TIGD7: variants seen among roughly 807,000 people sequenced by gnomAD.
The protein encoded by TIGD7 is tigger transposable element derived 7, also known as tigger transposable element-derived protein 7.
A neutral mutation model predicts 24.8 loss-of-function variants in TIGD7; 26 were observed. The observed-to-expected ratio is 1.05, with a 90% CI of 0.77 to 1.45. TIGD7 has a LOEUF of 1.45. Among genes scored for constraint, TIGD7 ranks in the 40% most tolerant of loss-of-function variants. The probability of loss-of-function intolerance (pLI) is 0.00; values close to 1 mark genes in which losing one functional copy is unlikely to be tolerated. For synonymous variants in TIGD7, 221 were observed against 224.1 expected (o/e 0.99, Z 0.12); for missense variants, 679 against 641.6 (o/e 1.06, Z -0.63).
rs1211522068 is a variant in TIGD7 at position 3,299,319 on chromosome 16, A to C, written c.1296T>G (p.Thr432=). ...EILEKCGELE[T]KLDDDRVWLN... is the part of the protein sequence containing the mutation. Reference sequence around the variant, plus strand: ...ACCACACCCTATCATCATCCAACTTAGTTTCCAACTCCCCACATTTTTCAA... The same window carrying C: ...ACCACACCCTATCATCATCCAACTTCGTTTCCAACTCCCCACATTTTTCAA... The change falls in exon 2 of 2, where the codon ACT becomes ACG. Residue 432 remains threonine, a synonymous_variant. Transcript: ENST00000396862. The C allele has an allele frequency of 6.2e-7, 1 of 1,601,202 alleles. No individual in the cohort carries two copies. The highest frequency in any genetic ancestry group is 1.7e-5 in the Admixed American group (1 of 57,544).
rs751117546 is a variant in TIGD7, at chr16:3,299,990, T to A, written c.625A>T (p.Arg209Trp). ...TTTGCACATAAAAAGGCAGACAACCTTTCTTTGTTTATTTTCTTCCCTGGT... is the reference window on the plus strand; with the variant it reads ...TTTGCACATAAAAAGGCAGACAACCATTCTTTGTTTATTTTCTTCCCTGGT... ...CLPGKKINKE[R>W]LSAFLCANAD... The change falls in exon 2 of 2, where the codon AGG becomes TGG. Residue 209 changes from arginine (R) to tryptophan (W), a missense_variant. Arg to Trp is a moderately radical substitution (Grantham distance 101). Transcript: ENST00000396862. 18 of 1,613,974 alleles carry A rather than the reference T, an allele frequency of 1.1e-5. No homozygotes were observed. In the Admixed American group the frequency reaches 2.7e-4, roughly 24 times the overall value.
Position 3,299,338 on chromosome 16 carries a change from T to G in TIGD7, c.1277A>C (p.Lys426Thr). Residue 426 changes from lysine to threonine, a missense_variant, in exon 2 of 2, where the codon AAA becomes ACA. Transcript: ENST00000396862. ...CAACTTAGTTTCCAACTCCCCACAT[T>G]TTTCAAGAATTTCTCTATAATCCCC... ...EHGDYREILE[K>T]CGELETKLDD... is the part of the protein sequence containing the mutation. The G allele has an allele frequency of 6.3e-7, 1 of 1,592,158 alleles. No homozygotes were observed. Among genetic ancestry groups the G allele is most frequent in the South Asian group, 1.2e-5 (1 of 86,410 alleles).
intron 1 of TIGD7, among the ~76,000 whole-genome samples, chr16:3,304,055 C>A (rs1349876882): frequency 6.6e-6 from 1 of 152,136 alleles, no homozygotes; most frequent in Non-Finnish European, 1.5e-5. Flanking sequence ...CCAGGATGGT[C>A]TCGATCTCCT....
chr16:3,298,959 C>G lies in TIGD7; in HGVS notation c.*6G>C. 1 of 1,201,990 alleles carries G rather than the reference C, an allele frequency of 8.3e-7. No individual in the cohort carries two copies. The highest frequency in any genetic ancestry group is 1.1e-6 in the Non-Finnish European group (1 of 918,688). 74.5% of individuals were successfully genotyped at this position (1,201,990 alleles called of 1,614,324 possible). On this transcript the variant is annotated 3_prime_UTR_variant, in exon 2 of 2. Transcript: ENST00000396862. Reference sequence around the variant, plus strand: ...ATATAATGGCAGAAATCTTTAAACACAAAATCTAATGATTAGAACCAGAAG... The same window carrying G: ...ATATAATGGCAGAAATCTTTAAACAGAAAATCTAATGATTAGAACCAGAAG...
rs1959945951 is a variant in TIGD7, at chr16:3,301,812, TG to T, written c.-1199del. ...TTCTCTGCTGCTGTTTCTGATCAAT[TG>T]TTTCTCATAAATCCTACTGGCAAAC... is the stretch of plus-strand genomic sequence containing the variant. On this transcript the variant is annotated 5_prime_UTR_variant, in exon 2 of 2. It removes the in-frame stop codon of an upstream open reading frame in the 5' UTR. Coordinates refer to ENST00000396862, the MANE Select transcript of TIGD7 (RefSeq NM_033208.4). 6.0e-6 allele frequency: 1 copy of T among 167,100 alleles called. No homozygotes were observed. The highest frequency in any genetic ancestry group is 2.4e-5 in the African/African-American group (1 of 41,462). 10.4% of individuals were successfully genotyped at this position (167,100 alleles called of 1,614,324 possible).
chr16:3,300,795 G>T lies in TIGD7; in HGVS notation c.-181C>A. ...CCATGACTGAAGAGCTAGTCTAGAG[G>T]TGGAGGTCTTATGCACTCAGAAAGC... On this transcript the variant is annotated 5_prime_UTR_variant, in exon 2 of 2. Transcript: ENST00000396862. 9.0e-7 allele frequency: 1 copy of T among 1,105,502 alleles called. No individual in the cohort carries two copies. The highest frequency in any genetic ancestry group is 1.2e-6 in the Non-Finnish European group (1 of 810,754). The allele number at this position is 1,105,502 out of a possible 1,614,324, so 68.5% of individuals were successfully genotyped here.
Position 3,300,553 on chromosome 16 carries a change from C to T in TIGD7, c.62G>A (p.Arg21Lys), listed in dbSNP as rs1299850161. ...NLEEKMKVLS[R>K]IEAGRSLKSV... ...TTTAAGTGATCGTCCAGCTTCAATT[C>T]TACTTAGAACCTTCATTTTCTCCTC... The change falls in exon 2 of 2, where the codon AGA becomes AAA. Residue 21 changes from arginine (R) to lysine (K), a missense_variant. By Grantham distance (26) the Arg-to-Lys change is conservative (BLOSUM62 2). Transcript: ENST00000396862. 3 of 1,609,454 alleles carry T rather than the reference C, an allele frequency of 1.9e-6. No individual in the cohort carries two copies. Among genetic ancestry groups the T allele is most frequent in the Admixed American group, 1.7e-5 (1 of 58,984 alleles).
At position 3,299,943 on chromosome 16, in the gene TIGD7, TA is replaced by T. The variant is rs1284264833; in HGVS notation, c.671del (p.Leu224Ter). ...TTGATTTTCCAATAATGATTGACTT[TA>T]ATTTATGAGTTCCGTCTGCATTTGC... is the stretch of plus-strand genomic sequence containing the variant. ...LCANADGTHK[L>X]KSIIIGKSKL... On this transcript the variant is annotated frameshift_variant, in exon 2 of 2. Transcript: ENST00000396862. LOFTEE classifies it high-confidence loss of function. 1 of 1,613,134 alleles carries T rather than the reference TA, an allele frequency of 6.2e-7. No individual in the cohort carries two copies. The highest frequency in any genetic ancestry group is 8.5e-7 in the Non-Finnish European group (1 of 1,179,682).
chr16:3,304,394 C>G (rs1211066200), intron 1 of TIGD7, among the ~76,000 whole-genome samples: 1 of 152,150 alleles, frequency 6.6e-6, no homozygotes, highest in African/African-American at 2.4e-5. Flanking sequence ...TCCCCCAACC[C>G]CAAATCAACT....
In TIGD7 at chr16:3,300,060, C is replaced by T. The variant is rs927358916; in HGVS notation, c.555G>A (p.Lys185=). 6.2e-7 allele frequency: 1 copy of T among 1,614,058 alleles called. No individual in the cohort carries two copies. Among genetic ancestry groups the T allele is most frequent in the Non-Finnish European group, 8.5e-7 (1 of 1,180,034 alleles). The change falls in exon 2 of 2, where the codon AAG becomes AAA. Residue 185 remains lysine, a synonymous_variant. Transcript: ENST00000396862. Reference sequence around the variant, plus strand: ...TTGCCTGAGAATTTTCTGGCATTGACTTCCAAAAGAGGTCTGTTTCATCCC... The same window carrying T: ...TTGCCTGAGAATTTTCTGGCATTGATTTCCAAAAGAGGTCTGTTTCATCCC... ...YSGDETDLFW[K]SMPENSQASR...
intron 1 of TIGD7, among the ~76,000 whole-genome samples, chr16:3,303,554 G>A (rs776229879): frequency 8.5e-5 from 13 of 152,344 alleles, no homozygotes; most frequent in Non-Finnish European, 1.5e-4. Flanking sequence ...CAACCTGGCT[G>A]AGATTTTAAG....
At position 3,300,019 on chromosome 16, in the gene TIGD7, C is replaced by G. The variant is rs1383293121; in HGVS notation, c.596G>C (p.Cys199Ser). 1.9e-6 allele frequency: 3 copies of G among 1,614,046 alleles called. No individual in the cohort carries two copies. The highest frequency in any genetic ancestry group is 2.7e-5 in the African/African-American group (2 of 74,920). The change falls in exon 2 of 2, where the codon TGC becomes TCC. Residue 199 changes from cysteine to serine, a missense_variant. Transcript: ENST00000396862. ...ENSQASRKDI[C>S]LPGKKINKER... Reference sequence around the variant, plus strand: ...TTTGTTTATTTTCTTCCCTGGTAGGCAGATATCTTTCCTACTTGCCTGAGA... The same window carrying G: ...TTTGTTTATTTTCTTCCCTGGTAGGGAGATATCTTTCCTACTTGCCTGAGA...
chr16:3,300,106 C>T lies in TIGD7; in HGVS notation c.509G>A (p.Cys170Tyr). 3 of 1,614,182 alleles carry T rather than the reference C, an allele frequency of 1.9e-6. No individual in the cohort carries two copies. Among genetic ancestry groups the T allele is most frequent in the Admixed American group, 1.7e-5 (1 of 60,016 alleles). The change falls in exon 2 of 2, where the codon TGT (cysteine) becomes TAT (tyrosine). Residue 170 changes from cysteine to tyrosine, a missense_variant. Coordinates refer to ENST00000396862, the MANE Select transcript of TIGD7 (RefSeq NM_033208.4). Reference sequence around the variant, plus strand: ...ATCCCCACTGTATAGCTGAGCTAGACACAGTTTCTCCTCTTTGATTATCAT... The same window carrying T: ...ATCCCCACTGTATAGCTGAGCTAGATACAGTTTCTCCTCTTTGATTATCAT... ...LSMIIKEEKL[C>Y]LAQLYSGDET...
At chr16:3,302,424 C>G (rs956263982) in intron 1 of TIGD7, among the ~76,000 whole-genome samples, 6 of 152,162 alleles carry the variant, frequency 3.9e-5, no homozygotes, top group African/African-American at 1.4e-4. Context: ...CCACACCTGG[C>G]CCATAGAATT....
Position 3,299,023 on chromosome 16 carries a change from C to A in TIGD7, c.1592G>T (p.Arg531Met). The change falls in exon 2 of 2, where the codon AGG (arginine) becomes ATG (methionine). Residue 531 changes from arginine to methionine, a missense_variant. Coordinates refer to ENST00000396862, the MANE Select transcript of TIGD7 (RefSeq NM_033208.4). ...HSRIGSFLKP[R>M]PHNIKDSFSG... Reference sequence around the variant, plus strand: ...GAAGGAGTCCTTAATATTATGAGGCCTAGGTTTCAAAAAGCTACCAATTCT... The same window carrying A: ...GAAGGAGTCCTTAATATTATGAGGCATAGGTTTCAAAAAGCTACCAATTCT... 7.3e-7 allele frequency: 1 copy of A among 1,376,980 alleles called. No individual in the cohort carries two copies. The highest frequency in any genetic ancestry group is 9.4e-7 in the Non-Finnish European group (1 of 1,058,726). 85.3% of individuals were successfully genotyped at this position (1,376,980 alleles called of 1,614,324 possible). A position where few individuals can be genotyped will look rare whatever the true frequency, so the allele number is the denominator to read the frequency against.
Position 3,300,610 on chromosome 16 carries a change from T to C in TIGD7, c.5A>G (p.Asn2Ser), listed in dbSNP as rs1191958580. 4 of 1,561,506 alleles carry C rather than the reference T, an allele frequency of 2.6e-6. No homozygotes were observed. The highest frequency in any genetic ancestry group is 2.7e-5 in the African/African-American group (2 of 72,928). ...CAGTGTTGTATATTTCCCTCTCTTATTCATACTGAATTTAACTCTGAACCA... is the reference window on the plus strand; with the variant it reads ...CAGTGTTGTATATTTCCCTCTCTTACTCATACTGAATTTAACTCTGAACCA... M[N>S]KRGKYTTLNL... Residue 2 changes from asparagine (N) to serine (S), a missense_variant, in exon 2 of 2, where the codon AAT (asparagine) becomes AGT (serine). By Grantham distance (46) the Asn-to-Ser change is conservative. Transcript: ENST00000396862.
At chr16:3,305,158 C>T (rs1960099679) in intron 1 of TIGD7, 54 bp downstream of exon 1, 1 of 152,246 alleles carries the variant, frequency 6.6e-6, no homozygotes, top group South Asian at 2.1e-4. Flanking sequence ...CACGGCCGGC[C>T]GGGCCGCGGG....
Position 3,305,220 on chromosome 16 carries a change from G to T in TIGD7, c.-1404C>A, listed in dbSNP as rs954251749. 7.2e-5 allele frequency: 11 copies of T among 152,346 alleles called. No homozygotes were observed. The highest frequency in any genetic ancestry group is 5.8e-4 in the East Asian group (3 of 5,174). 9.4% of individuals were successfully genotyped at this position (152,346 alleles called of 1,614,324 possible). On this transcript the variant is annotated 5_prime_UTR_variant, in exon 1 of 2. Transcript: ENST00000396862. The stretch of plus-strand genomic sequence containing the variant: ...TGGGAGGCGACCCTTACCCGGCGAG[G>T]CTCCCGGGACCAAACGCCGCCCGAC...
chr16:3,299,130 AG>A lies in TIGD7; in HGVS notation c.1484del (p.Pro495LeufsTer10). 1 of 1,475,836 alleles carries A rather than the reference AG, an allele frequency of 6.8e-7. No homozygotes were observed. The highest frequency in any genetic ancestry group is 9.0e-7 in the Non-Finnish European group (1 of 1,115,460). The allele number at this position is 1,475,836 out of a possible 1,614,324, so 91.4% of individuals were successfully genotyped here. On this transcript the variant is annotated frameshift_variant, in exon 2 of 2. Coordinates refer to ENST00000396862, the MANE Select transcript of TIGD7 (RefSeq NM_033208.4). LOFTEE classifies it high-confidence loss of function. The part of the protein sequence containing the change: ...DYLLDFVDAT[P>X]EFQRFHFTLK... ...GTGTGAAGTGGAATCTCTGAAACTC[AG>A]GTGTGGCATCAACAAAGTCAAGAAG... is the stretch of plus-strand genomic sequence containing the variant.
Sources: gnomAD v4.1 joint callset for allele counts (sites outside exome capture counted in the v4.1 genomes callset) on GRCh38, gnomAD v4.1.1 for gene constraint, MANE v1.5 for transcripts, NCBI Gene and HGNC (gene_info 2026-07-23, HGNC 2026-07-21) for gene names.